The following CTCF variants were observed in gnomAD, a reference collection of about 807,000 sequenced individuals.
The protein encoded by CTCF is transcriptional repressor CTCF.
Under a neutral mutation model 72.3 loss-of-function variants are expected in CTCF, and 7 were observed. The ratio of observed to expected loss-of-function variants is 0.10; its 90% CI spans 0.06 to 0.18. The LOEUF is 0.18. Among genes scored for constraint, CTCF ranks in the 10% least tolerant of loss-of-function variants. The pLI is 1.00. For synonymous variants in CTCF, 374 were observed against 315.8 expected, an observed-to-expected ratio of 1.18 and a Z score of -1.95; for missense variants, 516 against 949.1, an observed-to-expected ratio of 0.54 and a Z score of 6.00.
At chr16:67,580,603 C>T (rs1181129512) in intron 2 of CTCF, among the ~76,000 whole-genome samples, 2 of 151,730 alleles carry the variant, frequency 1.3e-5, no homozygotes, top group Non-Finnish European at 2.9e-5. Context: ...CTCTTGTCCA[C>T]CAGGCTGGAG....
At chr16:67,567,684 G>A (rs2051360772) in intron 1 of CTCF, among the ~76,000 whole-genome samples, 1 of 151,382 alleles carries the variant, frequency 6.6e-6, no homozygotes, top group African/African-American at 2.4e-5. Flanking sequence ...TTGAACTCCT[G>A]GGCTCAAGCA....
chr16:67,628,359 TGCC>T lies in CTCF; in HGVS notation c.1519-9_1519-7del. 26 of 1,611,698 alleles carry T rather than the reference TGCC, an allele frequency of 1.6e-5. No homozygotes were observed. Among genetic ancestry groups the T allele is most frequent in the Non-Finnish European group, 2.2e-5 (26 of 1,177,982 alleles). On this transcript the variant is annotated splice_polypyrimidine_tract_variant and splice_region_variant and intron_variant, in intron 8 of 11. Coordinates refer to ENST00000264010, the MANE Select transcript of CTCF (RefSeq NM_006565.4). ...GCAGGCTCTGAGGCCTTTCCCCCTA[TGCC>T]GTTTCAGGAGAGGCACATGATCATG...
chr16:67,636,702 C>A lies in CTCF; in HGVS notation c.1850C>A (p.Pro617Gln). The A allele has an allele frequency of 6.3e-7, 1 of 1,597,990 alleles. No individual in the cohort carries two copies. Among genetic ancestry groups the A allele is most frequent in the Admixed American group, 1.7e-5 (1 of 58,464 alleles). Residue 617 changes from proline (P) to glutamine (Q), a missense_variant, in exon 11 of 12, where the codon CCA (proline) becomes CAA (glutamine). This residue lies in a region of CTCF where 157 missense variants were observed against 172.9 expected (regional missense o/e 0.91). Coordinates refer to ENST00000264010, the MANE Select transcript of CTCF (RefSeq NM_006565.4). ...ATTTCATGAAAAGAAAATGCTGAAC[C>A]AGATCTGGACGACAATGAGGATGAG... ...EDSSDSENAE[P>Q]DLDDNEDEEE...
intron 10 of CTCF, among the ~76,000 whole-genome samples, chr16:67,631,037 C>G (rs995240968): frequency 6.6e-6 from 1 of 151,782 alleles, no homozygotes; most frequent in Non-Finnish European, 1.5e-5. Context: ...AGGGATTCTT[C>G]ATATTGTGTT....
At chr16:67,614,054 G>T (rs759322621) in intron 4 of CTCF, among the ~76,000 whole-genome samples, 1 of 152,026 alleles carries the variant, frequency 6.6e-6, no homozygotes, top group African/African-American at 2.4e-5. Context: ...CCTCTGTTAC[G>T]ATGCTGTAGC....
chr16:67,591,445 C>A (rs2051742687), intron 2 of CTCF, among the ~76,000 whole-genome samples: 2 of 152,160 alleles, frequency 1.3e-5, no homozygotes, highest in South Asian at 4.1e-4. Context: ...AGTTATTCTC[C>A]CAATTCAACT....
intron 10 of CTCF, among the ~76,000 whole-genome samples, chr16:67,631,553 G>T (rs1370917865): frequency 6.6e-6 from 1 of 151,606 alleles, no homozygotes; most frequent in East Asian, 1.9e-4. Context: ...CTCCTGCCTC[G>T]ACCTCCCAAT....
At chr16:67,606,457 A>G (rs1334776297) in intron 2 of CTCF, among the ~76,000 whole-genome samples, 1 of 152,142 alleles carries the variant, frequency 6.6e-6, no homozygotes, top group Non-Finnish European at 1.5e-5. Flanking sequence ...TTAGACAGTA[A>G]CTCCTAGAAT....
rs200420490 is a variant in CTCF at position 67,631,657 on chromosome 16, G to A, written c.1837+2124G>A. ...TGAAAGCACTAAGCTGTTTATGTTT[G>A]GATCTGTAACAAGGTCCCCCCCACC... On this transcript the variant is annotated intron_variant, in intron 10 of 11. Coordinates refer to ENST00000264010, the MANE Select transcript of CTCF (RefSeq NM_006565.4). Among the ~76,000 whole-genome samples, 8 of 147,610 alleles carry A rather than the reference G, an allele frequency of 5.4e-5. No individual in the cohort carries two copies. In the East Asian group the frequency reaches 1.4e-3, roughly 26 times the overall value.
Position 67,637,910 on chromosome 16 carries a change from T to G in CTCF, c.*38T>G, listed in dbSNP as rs751908576. On this transcript the variant is annotated 3_prime_UTR_variant, in exon 12 of 12. Transcript: ENST00000264010. ...GTGCGTCGCCAGGACTTCTCTGGGC[T>G]GTGTTTAAACGGCCCGCATCTTAAT... is the stretch of plus-strand genomic sequence containing the variant. The G allele has an allele frequency of 2.4e-5, 36 of 1,514,730 alleles. No individual in the cohort carries two copies. The highest frequency in any genetic ancestry group is 3.1e-5 in the Non-Finnish European group (35 of 1,122,494). The allele number at this position is 1,514,730 out of a possible 1,614,324, so 93.8% of individuals were successfully genotyped here. A position where few individuals can be genotyped will look rare whatever the true frequency, so the allele number is the denominator to read the frequency against.
In CTCF at chr16:67,611,129, G is replaced by T; in HGVS notation, c.297G>T (p.Gln99His). ...ACGATACCCAGATTATAACTTTACA[G>T]GTTGTAAATATGGAGGAACAGCCCA... ...AVDDTQIITLQVVNMEEQPIN... is the reference protein window; with the variant it reads ...AVDDTQIITLHVVNMEEQPIN... Residue 99 changes from glutamine to histidine, a missense_variant, in exon 3 of 12, where the codon CAG becomes CAT. Transcript: ENST00000264010. 1 of 1,614,182 alleles carries T rather than the reference G, an allele frequency of 6.2e-7. No homozygotes were observed. Among genetic ancestry groups the T allele is most frequent in the Non-Finnish European group, 8.5e-7 (1 of 1,180,034 alleles).
intron 5 of CTCF, among the ~76,000 whole-genome samples, chr16:67,617,391 C>T (rs992130854): frequency 1.6e-4 from 25 of 152,136 alleles, no homozygotes; most frequent in South Asian, 4.1e-4. Flanking sequence ...CCCAGCTACT[C>T]GGGAGGCTGA....
chr16:67,636,617 A>G (rs1331995212), intron 10 of CTCF, 73 bp from the exon 11 acceptor site: 2 of 937,492 alleles, frequency 2.1e-6, no homozygotes, highest in African/African-American at 1.7e-5. Context: ...CAAATAATAT[A>G]TAATTGTTTT....
intron 3 of CTCF, 131 bp from the exon 4 acceptor site, chr16:67,611,820 T>C (rs1170002348): frequency 5.3e-6 from 5 of 943,506 alleles, no homozygotes; most frequent in South Asian, 3.0e-5. Context: ...ATTAGTGACA[T>C]GAGATAATTA....
chr16:67,601,139 T>C lies in CTCF; in HGVS notation c.-9-9685T>C, dbSNP rs111487630. Among the ~76,000 whole-genome samples, 1,462 of 152,106 alleles carry C rather than the reference T, an allele frequency of 9.6e-3. 26 individuals are homozygous for C. The highest frequency in any genetic ancestry group is 0.033 in the African/African-American group (1,350 of 41,492). On this transcript the variant is annotated intron_variant, in intron 2 of 11. Transcript: ENST00000264010. ...CCTGGTCCAGCCTATTGGTTACTTA[T>C]TGATTCAGAGGAGAGACTCCCATCG...
chr16:67,604,637 G>A (rs531962265), intron 2 of CTCF, among the ~76,000 whole-genome samples: 21 of 151,812 alleles, frequency 1.4e-4, no homozygotes, highest in East Asian at 1.2e-3. Context: ...CACCATACCC[G>A]GCCAACAATT....
chr16:67,594,705 T>C (rs1399461355), intron 2 of CTCF, among the ~76,000 whole-genome samples: 1 of 152,208 alleles, frequency 6.6e-6, no homozygotes, highest in Non-Finnish European at 1.5e-5. Flanking sequence ...CCTGCTCTTG[T>C]CCTGTGCAGG....
At chr16:67,577,040 T>C (rs2051507171) in intron 2 of CTCF, among the ~76,000 whole-genome samples, 1 of 152,110 alleles carries the variant, frequency 6.6e-6, no homozygotes, top group Admixed American at 6.6e-5. Context: ...TTCTTTAAGC[T>C]TTCTCCTGTT....
intron 4 of CTCF, 198 bp from the exon 5 acceptor site, chr16:67,616,547 T>C (rs991824264): frequency 3.4e-5 from 20 of 591,670 alleles, no homozygotes; most frequent in African/African-American, 1.1e-4. Context: ...GTATGTGTTA[T>C]AATATCCTGG....
Sources: gnomAD v4.1 joint callset for allele counts (sites outside exome capture counted in the v4.1 genomes callset) on GRCh38, gnomAD v4.1.1 for gene constraint, gnomAD v4.1.1 regional missense constraint, MANE v1.5 for transcripts, NCBI Gene and HGNC (gene_info 2026-07-23, HGNC 2026-07-21) for gene names.